Variants in EHBP1 observed in about 807,000 individuals in gnomAD.
The protein encoded by EHBP1 is EH domain-binding protein 1.
Under a neutral mutation model 144.0 loss-of-function variants are expected in EHBP1, and 55 were observed. The observed-to-expected ratio is 0.38, with a 90% confidence interval of 0.31 to 0.48. The LOEUF (loss-of-function observed/expected upper bound fraction) is 0.48. EHBP1 is among the 20% of genes least tolerant of loss of function. The pLI, the probability that EHBP1 is intolerant of heterozygous loss-of-function variation, is 0.98. For synonymous variants in EHBP1, 469 were observed against 472.7 expected (o/e 0.99, Z 0.10); for missense variants, 1,200 against 1,364.2 (o/e 0.88, Z 1.90).
chr2:62,768,937 A>T (rs2041408754), intron 4 of EHBP1, among the ~76,000 whole-genome samples: 1 of 152,246 alleles, frequency 6.6e-6, no homozygotes, highest in Non-Finnish European at 1.5e-5. Context: ...CAATAGATGC[A>T]GAAAAGGCTT....
chr2:62,998,193 C>G (rs1046937510), intron 19 of EHBP1, among the ~76,000 whole-genome samples: 4 of 152,144 alleles, frequency 2.6e-5, no homozygotes, highest in African/African-American at 9.7e-5. Context: ...ACCCTTCTTG[C>G]TACACCAGAA....
At chr2:62,999,101 G>GT (rs1489857259) in intron 19 of EHBP1, among the ~76,000 whole-genome samples, 1 of 152,066 alleles carries the variant, frequency 6.6e-6, no homozygotes, top group Non-Finnish European at 1.5e-5. Flanking sequence ...TAGTACCCAT[G>GT]TTTTTTATAT....
chr2:62,928,840 CA>C (rs760426482), intron 10 of EHBP1, among the ~76,000 whole-genome samples: 1,999 of 65,200 alleles, frequency 0.031, 11 homozygotes, highest in Non-Finnish European at 0.048. Flanking sequence ...AGACTAAGAA[CA>C]AAAAAAAAAA....
intron 5 of EHBP1, among the ~76,000 whole-genome samples, chr2:62,789,866 A>G (rs2043058433): frequency 1.3e-5 from 2 of 152,192 alleles, no homozygotes; most frequent in Non-Finnish European, 2.9e-5. Flanking sequence ...AAAACATGAG[A>G]TTGTTAAAAC....
intron 7 of EHBP1, among the ~76,000 whole-genome samples, chr2:62,851,119 A>G (rs2048667194): frequency 1.3e-5 from 2 of 152,168 alleles, no homozygotes; most frequent in South Asian, 4.1e-4. Context: ...GCCTTCCCTC[A>G]TGGAGTGGTG....
intron 10 of EHBP1, among the ~76,000 whole-genome samples, chr2:62,888,431 T>C (rs981464926): frequency 1.3e-5 from 2 of 152,224 alleles, no homozygotes; most frequent in African/African-American, 4.8e-5. Flanking sequence ...AAAACAAAAT[T>C]TGTAAAGTTT....
chr2:62,891,393 T>C (rs1418177769), intron 10 of EHBP1, among the ~76,000 whole-genome samples: 1 of 152,114 alleles, frequency 6.6e-6, no homozygotes, highest in South Asian at 2.1e-4. Context: ...TTGATATAAG[T>C]CCCAACTTGA....
At chr2:62,980,757 TC>T (rs1389566862) in intron 15 of EHBP1, among the ~76,000 whole-genome samples, 24 of 151,688 alleles carry the variant, frequency 1.6e-4, no homozygotes, top group African/African-American at 5.8e-4. Context: ...GGTGGGAGGA[TC>T]ACTTGAACCC....
Position 62,838,667 on chromosome 2 carries a change from C to T in EHBP1, c.634+7509C>T, listed in dbSNP as rs1246727306. ...AAAATGATAAAGGGGATATCACCAC[C>T]GATCCCACAGAAATACAAACTACCA... is the stretch of plus-strand genomic sequence containing the variant. On this transcript the variant is annotated intron_variant, in intron 7 of 22. Coordinates refer to ENST00000431489, the MANE Select transcript of EHBP1 (RefSeq NM_001142616.3). Among the ~76,000 whole-genome samples, 53 of 151,262 alleles carry T rather than the reference C, an allele frequency of 3.5e-4. 3 individuals are homozygous for T. The East Asian group carries it at 7.0e-3, about 20-fold the overall frequency.
Position 62,773,720 on chromosome 2 carries a change from G to A in EHBP1, c.312+2328G>A, listed in dbSNP as rs374690339. On this transcript the variant is annotated intron_variant, in intron 5 of 22. Coordinates refer to ENST00000431489, the MANE Select transcript of EHBP1 (RefSeq NM_001142616.3). ...AAAACAATTAGTTGGGCTTGGTGGC[G>A]TGCGCCTGTAATCCCAGCTACTCGG... Among the ~76,000 whole-genome samples the A allele has an allele frequency of 5.4e-4, 82 of 151,334 alleles. 1 individual carries two copies. Among genetic ancestry groups the A allele is most frequent in the African/African-American group, 1.9e-3 (78 of 41,270 alleles).
chr2:62,844,665 A>G (rs2048166865), intron 7 of EHBP1, among the ~76,000 whole-genome samples: 2 of 152,176 alleles, frequency 1.3e-5, no homozygotes, highest in Non-Finnish European at 2.9e-5. Flanking sequence ...AGACCCCTGT[A>G]TTGTAAAGAC....
intron 7 of EHBP1, 41 bp from the exon 8 acceptor site, chr2:62,859,128 C>G: frequency 6.4e-7 from 1 of 1,560,716 alleles, no homozygotes; most frequent in Non-Finnish European, 8.7e-7. Context: ...AATACTTACA[C>G]TTAACCATAA....
At chr2:63,007,784 A>C (rs183920133) in intron 19 of EHBP1, among the ~76,000 whole-genome samples, 2 of 151,972 alleles carry the variant, frequency 1.3e-5, no homozygotes, top group East Asian at 3.9e-4. Context: ...AAATTAAAGA[A>C]ATTCAGCAGG....
chr2:62,954,359 C>T (rs560608867), intron 13 of EHBP1, among the ~76,000 whole-genome samples: 35 of 152,164 alleles, frequency 2.3e-4, no homozygotes, highest in African/African-American at 8.2e-4. Context: ...CTATTGTGTC[C>T]TATTCAACAT....
chr2:62,757,269 C>G (rs1291311010), intron 3 of EHBP1, among the ~76,000 whole-genome samples: 2 of 152,064 alleles, frequency 1.3e-5, no homozygotes, highest in Non-Finnish European at 2.9e-5. Flanking sequence ...GCTGGAGAGG[C>G]GTGCACCACC....
chr2:62,742,549 C>A (rs2038812445), intron 2 of EHBP1, among the ~76,000 whole-genome samples: 1 of 151,938 alleles, frequency 6.6e-6, no homozygotes, highest in Admixed American at 6.6e-5. Flanking sequence ...AAGCATTTGT[C>A]ATATTATTGT....
At chr2:62,683,811 A>G (rs1004339498) in intron 1 of EHBP1, among the ~76,000 whole-genome samples, 1 of 152,176 alleles carries the variant, frequency 6.6e-6, no homozygotes, top group Admixed American at 6.5e-5. Context: ...AAATGTGGTG[A>G]CACCATGGAT....
At chr2:62,936,098 G>A in intron 10 of EHBP1, among the ~76,000 whole-genome samples, 1 of 152,044 alleles carries the variant, frequency 6.6e-6, no homozygotes, top group East Asian at 1.9e-4. Flanking sequence ...TGCCTATTGA[G>A]TTTTGGTGTA....
intron 2 of EHBP1, among the ~76,000 whole-genome samples, chr2:62,743,576 T>C (rs2038907337): frequency 6.6e-6 from 1 of 152,148 alleles, no homozygotes; most frequent in African/African-American, 2.4e-5. Context: ...ATTATGATTA[T>C]GGAAAGTGAT....
Sources: gnomAD v4.1 joint callset for allele counts (sites outside exome capture counted in the v4.1 genomes callset) on GRCh38, gnomAD v4.1.1 for gene constraint, MANE v1.5 for transcripts, NCBI Gene and HGNC (gene_info 2026-07-23, HGNC 2026-07-21) for gene names.